The following LRRFIP1 variants were observed in gnomAD, a reference collection of about 807,000 sequenced individuals.
LRRFIP1 encodes LRR binding FLII interacting protein 1, also known as leucine-rich repeat flightless-interacting protein 1.
A neutral mutation model predicts 104.4 loss-of-function variants in LRRFIP1; 62 were observed. The ratio of observed to expected loss-of-function variants is 0.59; its 90% CI spans 0.48 to 0.73. The LOEUF is 0.73. Ranked by LOEUF, LRRFIP1 falls within the 30% of genes least tolerant of loss-of-function variation. The probability of loss-of-function intolerance (pLI) is 0.00; values close to 1 mark genes in which losing one functional copy is unlikely to be tolerated. For missense variants in LRRFIP1, 796 were observed against 824.5 expected, an observed-to-expected ratio of 0.97 and a Z score of 0.42; for synonymous variants, 300 against 299.0, an observed-to-expected ratio of 1.00 and a Z score of -0.03.
intron 1 of LRRFIP1, among the ~76,000 whole-genome samples, chr2:237,647,679 A>G (rs7596848): frequency 0.015 from 1,785 of 118,616 alleles, 68 homozygotes; most frequent in Non-Finnish European, 0.026. Context: ...AGGGAGCAGG[A>G]GCAGGGTCAC....
chr2:237,652,089 C>T (rs372652255), intron 1 of LRRFIP1, among the ~76,000 whole-genome samples: 5 of 152,318 alleles, frequency 3.3e-5, no homozygotes, highest in South Asian at 2.1e-4. Flanking sequence ...GTGGTGACGG[C>T]GGATCTTTCC....
intron 1 of LRRFIP1, among the ~76,000 whole-genome samples, chr2:237,646,658 T>C (rs564648065): frequency 1.3e-5 from 2 of 151,926 alleles, no homozygotes; most frequent in African/African-American, 2.4e-5. Flanking sequence ...CCTGATCCAA[T>C]AGAATTATTG....
chr2:237,680,050 G>A (rs1238178392), intron 1 of LRRFIP1, among the ~76,000 whole-genome samples: 1 of 152,186 alleles, frequency 6.6e-6, no homozygotes, highest in African/African-American at 2.4e-5. Flanking sequence ...GCAATACCTT[G>A]TCTCTGAACA....
intron 1 of LRRFIP1, among the ~76,000 whole-genome samples, chr2:237,640,700 G>A (rs572117313): frequency 1.5e-4 from 23 of 152,284 alleles, no homozygotes; most frequent in East Asian, 5.8e-4. Context: ...TGTCTTGTTC[G>A]GAATCCCTGC....
At position 237,760,177 on chromosome 2, in the gene LRRFIP1, C is replaced by T. The variant is rs2059708643; in HGVS notation, c.1431C>T (p.Ala477=). The part of the protein sequence containing the change: ...PTKMTKEELN[A]LKSTGDGTLD... ...AGATGACAAAAGAAGAGTTAAATGC[C>T]CTCAAGTCGACAGGGGATGGGACCC... is the stretch of plus-strand genomic sequence containing the variant. Residue 477 remains alanine, a synonymous_variant, in exon 19 of 24, where the codon GCC becomes GCT. Coordinates refer to ENST00000308482, the MANE Select transcript of LRRFIP1 (RefSeq NM_001137550.2). 6.2e-7 allele frequency: 1 copy of T among 1,614,072 alleles called. No homozygotes were observed. The highest frequency in any genetic ancestry group is 8.5e-7 in the Non-Finnish European group (1 of 1,179,984).
chr2:237,728,058 C>A, intron 8 of LRRFIP1, 123 bp downstream of exon 8: 1 of 631,788 alleles, frequency 1.6e-6, no homozygotes, highest in Non-Finnish European at 2.6e-6. Flanking sequence ...TAAAATCGGT[C>A]TGTCTTTTTT....
At chr2:237,744,338 G>T (rs1025145686) in intron 11 of LRRFIP1, among the ~76,000 whole-genome samples, 1 of 152,158 alleles carries the variant, frequency 6.6e-6, no homozygotes. Flanking sequence ...TCCAAGTCTG[G>T]TGTTGCCTGG....
At chr2:237,708,832 C>A in intron 2 of LRRFIP1, 1 of 701,000 alleles carries the variant, frequency 1.4e-6, no homozygotes, top group Non-Finnish European at 2.6e-6. Context: ...CTGCTCAGAC[C>A]TGCTGGCTCC....
At chr2:237,648,763 G>A (rs113355524) in intron 1 of LRRFIP1, among the ~76,000 whole-genome samples, 5 of 148,748 alleles carry the variant, frequency 3.4e-5, no homozygotes, top group Admixed American at 6.7e-5. Context: ...CAGAGCCTGC[G>A]TGACTGTGTG....
intron 1 of LRRFIP1, chr2:237,684,402 G>A (rs943806661): frequency 6.6e-6 from 1 of 151,590 alleles, no homozygotes; most frequent in East Asian, 1.9e-4. Context: ...CTTGAACCCA[G>A]GAGGCGGAGG....
At chr2:237,692,799 TG>T (rs1366714206) in intron 1 of LRRFIP1, among the ~76,000 whole-genome samples, 1 of 152,276 alleles carries the variant, frequency 6.6e-6, no homozygotes, top group Non-Finnish European at 1.5e-5. Flanking sequence ...GGTGATGGGC[TG>T]CAGACAGGCT....
intron 1 of LRRFIP1, among the ~76,000 whole-genome samples, chr2:237,699,361 C>CT (rs539273150): frequency 0.054 from 5,698 of 106,034 alleles, 417 homozygotes; most frequent in African/African-American, 0.18. Context: ...TTTTTTTTTT[C>CT]TTTTTTTTTG....
intron 1 of LRRFIP1, among the ~76,000 whole-genome samples, chr2:237,683,703 T>C (rs190431150): frequency 1.3e-5 from 2 of 152,336 alleles, no homozygotes; most frequent in Admixed American, 1.3e-4. Flanking sequence ...TATTTTCCTT[T>C]ATGGAAATTC....
At chr2:237,755,400 T>A (rs1320899180) in intron 15 of LRRFIP1, among the ~76,000 whole-genome samples, 2 of 152,160 alleles carry the variant, frequency 1.3e-5, no homozygotes, top group Non-Finnish European at 2.9e-5. Flanking sequence ...GAGTTTTCCT[T>A]GTCATATTTC....
At chr2:237,752,343 C>T (rs1175739431) in intron 14 of LRRFIP1, among the ~76,000 whole-genome samples, 1 of 152,156 alleles carries the variant, frequency 6.6e-6, no homozygotes, top group Non-Finnish European at 1.5e-5. Context: ...CAGGTGGAGG[C>T]TGCAGTGAGC....
At chr2:237,669,694 A>C (rs924926758) in intron 1 of LRRFIP1, among the ~76,000 whole-genome samples, 1 of 152,154 alleles carries the variant, frequency 6.6e-6, no homozygotes, top group African/African-American at 2.4e-5. Flanking sequence ...TGAGTGCTAA[A>C]AGCTGGAGTT....
rs1407227682 is a variant in LRRFIP1, at chr2:237,703,653, C to T, written c.97-4891C>T. Among the ~76,000 whole-genome samples, 2 of 151,976 alleles carry T rather than the reference C, an allele frequency of 1.3e-5. No homozygotes were observed. Among genetic ancestry groups the T allele is most frequent in the African/African-American group, 4.8e-5 (2 of 41,336 alleles). On this transcript the variant is annotated intron_variant, in intron 1 of 23. Transcript: ENST00000308482. This position sits in a 1 kb window ranked among gnomAD's most constrained non-coding sequence, Gnocchi z 4.3. The stretch of plus-strand genomic sequence containing the variant: ...GCCCCCCGGGGTTGGGTCAAGTTCT[C>T]CAGAGCAGCCCCCGCCCCTGCCACA...
At chr2:237,776,317 T>A (rs1174835776) in intron 23 of LRRFIP1, among the ~76,000 whole-genome samples, 3 of 152,234 alleles carry the variant, frequency 2.0e-5, no homozygotes, top group Non-Finnish European at 1.5e-5. Flanking sequence ...CTGTTATACC[T>A]GGTCTTTGAA....
chr2:237,660,026 C>G (rs2087574631), intron 1 of LRRFIP1, among the ~76,000 whole-genome samples: 1 of 152,082 alleles, frequency 6.6e-6, no homozygotes. Context: ...CTTTGTCTTA[C>G]ATAGACATTA....
Sources: allele counts gnomAD v4.1 joint callset (sites outside exome capture counted in the v4.1 genomes callset), GRCh38; gene constraint gnomAD v4.1.1; non-coding constraint Gnocchi (gnomAD v3.1); transcripts MANE v1.5; gene names NCBI Gene and HGNC (gene_info 2026-07-23, HGNC 2026-07-21).